RC3H2: variants seen among roughly 807,000 people sequenced by gnomAD.
The protein encoded by RC3H2 is roquin-2.
In RC3H2, 31 loss-of-function variants were observed where a neutral mutation model predicts 133.3. The ratio of observed to expected loss-of-function variants is 0.23; its 90% confidence interval spans 0.17 to 0.31. The LOEUF (loss-of-function observed/expected upper bound fraction) is 0.31. RC3H2 is among the 10% of genes least tolerant of loss of function. The probability of loss-of-function intolerance (pLI) is 1.00; values close to 1 mark genes in which losing one functional copy is unlikely to be tolerated. For missense variants in RC3H2, 1,175 were observed against 1,437.2 expected, an observed-to-expected ratio of 0.82 and a Z score of 2.95; for synonymous variants, 517 against 502.2, an observed-to-expected ratio of 1.03 and a Z score of -0.40.
At chr9:122,859,252 C>CTTATTTTTT (rs1830367275) in intron 11 of RC3H2, 150 bp from the exon 12 acceptor site, 1 of 179,744 alleles carries the variant, frequency 5.6e-6, no homozygotes, top group Non-Finnish European at 8.4e-6. Flanking sequence ...TATACCCTGG[C>CTTATTTTTT]TTTTTTTTTT....
chr9:122,890,322 A>G lies in RC3H2; in HGVS notation c.573T>C (p.Phe191=). Residue 191 remains phenylalanine, a synonymous_variant, in exon 4 of 21, where the codon TTT becomes TTC. Coordinates refer to ENST00000357244, the MANE Select transcript of RC3H2 (RefSeq NM_001100588.3). ...AGTAACCTATCTTACCTGGCCCTAAAAACTGGCATCCTCGAGCCCTGACAG... is the reference window on the plus strand; with the variant it reads ...AGTAACCTATCTTACCTGGCCCTAAGAACTGGCATCCTCGAGCCCTGACAG... ...WAAVRARGCQ[F]LGPAMQEEAL... 1 of 1,614,072 alleles carries G rather than the reference A, an allele frequency of 6.2e-7. No individual in the cohort carries two copies. The highest frequency in any genetic ancestry group is 8.5e-7 in the Non-Finnish European group (1 of 1,179,988).
intron 9 of RC3H2, among the ~76,000 whole-genome samples, chr9:122,866,368 T>TCCCCCC (rs1830656998): frequency 9.9e-4 from 23 of 23,238 alleles, no homozygotes; most frequent in South Asian, 2.7e-3. Flanking sequence ...CCTCTCCCCC[T>TCCCCCC]CCCCCTCCCC....
Position 122,879,828 on chromosome 9 carries a change from G to T in RC3H2, c.1139C>A (p.Ala380Asp). The T allele has an allele frequency of 1.2e-6, 2 of 1,614,122 alleles. No individual in the cohort carries two copies. Among genetic ancestry groups the T allele is most frequent in the Non-Finnish European group, 1.7e-6 (2 of 1,180,024 alleles). Residue 380 changes from alanine to aspartate, a missense_variant, in exon 8 of 21, where the codon GCT becomes GAT. Coordinates refer to ENST00000357244, the MANE Select transcript of RC3H2 (RefSeq NM_001100588.3). ...AAGGCCATGAACTACTGTTTTAACA[G>T]CTACCATTGCATTTTCCAGCTGCTC... ...TWEQLENAMV[A>D]VKTVVHGLVD... is the part of the protein sequence containing the mutation.
chr9:122,867,333 G>A (rs1287166337), intron 9 of RC3H2, among the ~76,000 whole-genome samples: 3 of 124,492 alleles, frequency 2.4e-5, no homozygotes, highest in Admixed American at 7.4e-5. Context: ...GGTGAGGGGC[G>A]CCTCTGCCCA....
At chr9:122,887,123 C>T (rs529656579) in intron 4 of RC3H2, among the ~76,000 whole-genome samples, 1 of 152,236 alleles carries the variant, frequency 6.6e-6, no homozygotes, top group South Asian at 2.1e-4. Flanking sequence ...GGTTTAACAG[C>T]CACAAATAAT....
chr9:122,900,828 G>A (rs1832622740), intron 1 of RC3H2, among the ~76,000 whole-genome samples: 4 of 152,082 alleles, frequency 2.6e-5, no homozygotes, highest in Admixed American at 2.0e-4. Flanking sequence ...ACTAATTTTA[G>A]TTACCAGTTA....
intron 9 of RC3H2, among the ~76,000 whole-genome samples, chr9:122,869,331 TTAAATA>T (rs1830954050): frequency 6.6e-6 from 1 of 152,192 alleles, no homozygotes; most frequent in Non-Finnish European, 1.5e-5. Flanking sequence ...CATATGGTAA[TTAAATA>T]TAAAGTGTTA....
Position 122,855,839 on chromosome 9 carries a change from G to C in RC3H2, c.2494C>G (p.His832Asp). 3 of 1,613,390 alleles carry C rather than the reference G, an allele frequency of 1.9e-6. No individual in the cohort carries two copies. Among genetic ancestry groups the C allele is most frequent in the Non-Finnish European group, 2.5e-6 (3 of 1,179,662 alleles). Residue 832 changes from histidine to aspartate, a missense_variant, in exon 14 of 21, where the codon CAT (histidine) becomes GAT (aspartate). By Grantham distance (81) the His-to-Asp change is moderately conservative (BLOSUM62 -1). Transcript: ENST00000357244. ...SVSGTKFEEDHLSHYSPWSCG... is the reference protein window; with the variant it reads ...SVSGTKFEEDDLSHYSPWSCG... The stretch of plus-strand genomic sequence containing the variant: ...GACCAGGGAGAATAATGGGAAAGAT[G>C]ATCTTCTTCAAATTTTGTACCACTC...
intron 9 of RC3H2, among the ~76,000 whole-genome samples, chr9:122,868,453 T>C (rs1304251610): frequency 6.6e-6 from 1 of 151,734 alleles, no homozygotes; most frequent in Non-Finnish European, 1.5e-5. Flanking sequence ...CCCAACCCTG[T>C]GCTCTCTGAA....
intron 9 of RC3H2, among the ~76,000 whole-genome samples, chr9:122,870,563 G>T (rs1370620839): frequency 6.6e-6 from 1 of 152,194 alleles, no homozygotes; most frequent in Non-Finnish European, 1.5e-5. Flanking sequence ...GATATACACT[G>T]AATTCTTAGT....
At chr9:122,858,175 T>A in intron 12 of RC3H2, 82 bp from the exon 13 acceptor site, 1 of 1,304,344 alleles carries the variant, frequency 7.7e-7, no homozygotes, top group Non-Finnish European at 1.1e-6. Flanking sequence ...TGTAAACAGT[T>A]TATGATATTG....
At chr9:122,873,607 A>G (rs1037241156) in intron 9 of RC3H2, among the ~76,000 whole-genome samples, 8 of 151,712 alleles carry the variant, frequency 5.3e-5, no homozygotes, top group Non-Finnish European at 1.2e-4. Flanking sequence ...CAGCTACTCG[A>G]GAGGCTGAGG....
chr9:122,891,007 GC>G (rs551114213), intron 3 of RC3H2, among the ~76,000 whole-genome samples: 1 of 132,662 alleles, frequency 7.5e-6, no homozygotes, highest in African/African-American at 2.8e-5. Context: ...TACCAAATCT[GC>G]CCCATTTTTT....
chr9:122,852,584 G>A (rs1325889565), intron 18 of RC3H2, among the ~76,000 whole-genome samples: 3 of 149,006 alleles, frequency 2.0e-5, no homozygotes, highest in African/African-American at 4.9e-5. Flanking sequence ...AGGGAGGTGT[G>A]GGGGTCAGCC....
chr9:122,891,902 C>T (rs544204845), intron 3 of RC3H2, among the ~76,000 whole-genome samples: 1 of 152,312 alleles, frequency 6.6e-6, no homozygotes, highest in South Asian at 2.1e-4. Context: ...TACACTTGTA[C>T]ATCTATCTCC....
At chr9:122,856,497 C>T (rs776716532) in intron 13 of RC3H2, among the ~76,000 whole-genome samples, 9 of 152,278 alleles carry the variant, frequency 5.9e-5, no homozygotes, top group Admixed American at 2.0e-4. Context: ...TCAAGCAATC[C>T]ACCCACTTCG....
chr9:122,872,662 G>A (rs1831149048), intron 9 of RC3H2, among the ~76,000 whole-genome samples: 1 of 152,126 alleles, frequency 6.6e-6, no homozygotes, highest in Non-Finnish European at 1.5e-5. Flanking sequence ...GGTGCTCACT[G>A]CAACCTCTAC....
At chr9:122,878,817 C>T (rs1008042638) in intron 8 of RC3H2, among the ~76,000 whole-genome samples, 2 of 151,824 alleles carry the variant, frequency 1.3e-5, no homozygotes, top group African/African-American at 2.4e-5. Context: ...GGCGCGATCT[C>T]GGCTCACTGT....
chr9:122,854,477 A>T, intron 16 of RC3H2, 54 bp downstream of exon 16: 1 of 1,365,596 alleles, frequency 7.3e-7, no homozygotes, highest in Non-Finnish European at 1.0e-6. Context: ...TGTACCCTTA[A>T]GATACATACA....
Sources: allele counts gnomAD v4.1 joint callset (sites outside exome capture counted in the v4.1 genomes callset), GRCh38; gene constraint gnomAD v4.1.1; transcripts MANE v1.5; gene names NCBI Gene and HGNC (gene_info 2026-07-23, HGNC 2026-07-21).